The following GMDS variants were observed in gnomAD, a reference collection of about 807,000 sequenced individuals.
GMDS encodes the protein GDP-mannose 4,6 dehydratase.
Under a neutral mutation model 49.9 loss-of-function variants are expected in GMDS, and 20 were observed. That is an observed-to-expected ratio of 0.40 (90% CI 0.28 to 0.58). The LOEUF (loss-of-function observed/expected upper bound fraction) is 0.58. GMDS is among the 20% of genes least tolerant of loss of function. GMDS has a pLI of 0.42. For missense variants in GMDS, 362 were observed against 481.4 expected (o/e 0.75, Z 2.32); for synonymous variants, 177 against 178.6 (o/e 0.99, Z 0.07).
At chr6:2,048,799 TTC>T (rs1379671243) in intron 4 of GMDS, among the ~76,000 whole-genome samples, 14 of 152,240 alleles carry the variant, frequency 9.2e-5, no homozygotes, top group African/African-American at 3.4e-4. Flanking sequence ...AATTTTTCTT[TTC>T]TGTTTGTTGT....
intron 4 of GMDS, among the ~76,000 whole-genome samples, chr6:2,081,251 A>G (rs184740215): frequency 1.1e-4 from 17 of 152,320 alleles, no homozygotes; most frequent in Admixed American, 1.1e-3. Context: ...AATATGCCCT[A>G]GGAACTCCGG....
At position 1,940,124 on chromosome 6, in the gene GMDS, C is replaced by T. The variant is rs576868126; in HGVS notation, c.644-9894G>A. ...TTTTTCAAATGTATATTTCCTATGGCCCTGTGGCAATTTTTATTGTTTGTG... is the reference window on the plus strand; with the variant it reads ...TTTTTCAAATGTATATTTCCTATGGTCCTGTGGCAATTTTTATTGTTTGTG... On this transcript the variant is annotated intron_variant, in intron 6 of 10. Transcript: ENST00000380815. Among the ~76,000 whole-genome samples, 3 of 152,336 alleles carry T rather than the reference C, an allele frequency of 2.0e-5. No individual in the cohort carries two copies. In the South Asian group the frequency reaches 6.2e-4, roughly 32 times the overall value.
chr6:1,948,972 C>G (rs958902131), intron 6 of GMDS: 21 of 419,318 alleles, frequency 5.0e-5, no homozygotes, highest in African/African-American at 3.9e-4. Flanking sequence ...TTGGCTGGCA[C>G]TGCAGCGTTC....
chr6:1,951,199 T>C (rs1763324829), intron 6 of GMDS, among the ~76,000 whole-genome samples: 1 of 152,210 alleles, frequency 6.6e-6, no homozygotes. Flanking sequence ...TTTTGACAAG[T>C]AATTTTTACA....
At chr6:1,991,567 G>C (rs755169505) in intron 4 of GMDS, among the ~76,000 whole-genome samples, 9 of 152,114 alleles carry the variant, frequency 5.9e-5, no homozygotes, top group Non-Finnish European at 1.3e-4. Flanking sequence ...TGACTTTCCT[G>C]AGTGTTGACT....
chr6:1,812,017 A>G (rs1770449562), intron 7 of GMDS, among the ~76,000 whole-genome samples: 1 of 151,710 alleles, frequency 6.6e-6, no homozygotes. Flanking sequence ...TGTCCGAGGA[A>G]TCATAGTCAA....
At chr6:1,742,654 A>G (rs1767318660) in intron 7 of GMDS, 68 bp from the exon 8 acceptor site, 1 of 822,434 alleles carries the variant, frequency 1.2e-6, no homozygotes, top group Non-Finnish European at 2.1e-6. Context: ...TTTCCAGTGC[A>G]CATAATCAGA....
chr6:2,075,255 T>A (rs1242753463), intron 4 of GMDS, among the ~76,000 whole-genome samples: 1 of 152,182 alleles, frequency 6.6e-6, no homozygotes, highest in Non-Finnish European at 1.5e-5. Flanking sequence ...TATAAATTTT[T>A]TTTTTTTACA....
chr6:1,893,295 G>C (rs1481179795), intron 7 of GMDS, among the ~76,000 whole-genome samples: 1 of 149,164 alleles, frequency 6.7e-6, no homozygotes, highest in Non-Finnish European at 1.5e-5. Context: ...CCGGGTTCAA[G>C]CCATTCTCCT....
At chr6:2,151,606 G>A (rs1439616026) in intron 1 of GMDS, among the ~76,000 whole-genome samples, 1 of 151,982 alleles carries the variant, frequency 6.6e-6, no homozygotes, top group Non-Finnish European at 1.5e-5. Context: ...ATCATCTTCA[G>A]TATTATCACC....
intron 7 of GMDS, among the ~76,000 whole-genome samples, chr6:1,826,314 G>A (rs1771108522): frequency 6.6e-6 from 1 of 152,166 alleles, no homozygotes; most frequent in South Asian, 2.1e-4. Context: ...GTGGTCTGCC[G>A]CTGACCGAAA....
chr6:2,242,298 G>T (rs977498484), intron 1 of GMDS, among the ~76,000 whole-genome samples: 2 of 152,216 alleles, frequency 1.3e-5, no homozygotes, highest in Non-Finnish European at 2.9e-5. Context: ...TTAGCCAATG[G>T]GGGTGAGCTT....
At chr6:1,779,174 G>A (rs1581171126) in intron 7 of GMDS, among the ~76,000 whole-genome samples, 1 of 152,286 alleles carries the variant, frequency 6.6e-6, no homozygotes, top group East Asian at 1.9e-4. Context: ...GGTCATGCTG[G>A]AGGACTTTCT....
intron 4 of GMDS, among the ~76,000 whole-genome samples, chr6:2,069,825 G>A (rs975392675): frequency 2.6e-5 from 4 of 152,110 alleles, no homozygotes; most frequent in Non-Finnish European, 4.4e-5. Flanking sequence ...TGGTGGGACT[G>A]TAAACTAGTT....
At chr6:1,886,452 T>C (rs935082104) in intron 7 of GMDS, among the ~76,000 whole-genome samples, 4 of 152,194 alleles carry the variant, frequency 2.6e-5, no homozygotes, top group Non-Finnish European at 5.9e-5. Context: ...ACATTTCATT[T>C]ACAGGGGCCT....
intron 9 of GMDS, among the ~76,000 whole-genome samples, chr6:1,651,133 G>A (rs1246232626): frequency 2.0e-5 from 3 of 152,192 alleles, no homozygotes; most frequent in Non-Finnish European, 2.9e-5. Flanking sequence ...TCTGGATGAC[G>A]ATGGCCATGC....
intron 7 of GMDS, among the ~76,000 whole-genome samples, chr6:1,918,825 G>T: frequency 6.6e-6 from 1 of 152,106 alleles, no homozygotes; most frequent in East Asian, 1.9e-4. Flanking sequence ...AGATAATCAG[G>T]AAACTGGCCA....
At chr6:1,659,863 AAAAAAAAAAGAAAGAG>A (rs1764012224) in intron 9 of GMDS, among the ~76,000 whole-genome samples, 5 of 86,136 alleles carry the variant, frequency 5.8e-5, no homozygotes, top group African/African-American at 2.4e-4. Context: ...AATATCCATT[AAAAAAAAAAGAAAGAG>A]TAACAGCCAT....
At chr6:1,821,027 T>C (rs1770864523) in intron 7 of GMDS, among the ~76,000 whole-genome samples, 1 of 152,186 alleles carries the variant, frequency 6.6e-6, no homozygotes, top group African/African-American at 2.4e-5. Context: ...TGGAACATGC[T>C]TACAAAATGC....
Sources: allele counts gnomAD v4.1 joint callset (sites outside exome capture counted in the v4.1 genomes callset), GRCh38; gene constraint gnomAD v4.1.1; transcripts MANE v1.5; gene names NCBI Gene and HGNC (gene_info 2026-07-23, HGNC 2026-07-21).